PREX2: variants seen among roughly 807,000 people sequenced by gnomAD.
PREX2 encodes the protein phosphatidylinositol-3,4,5-trisphosphate dependent Rac exchange factor 2.
A neutral mutation model predicts 203.2 loss-of-function variants in PREX2; 107 were observed. The observed-to-expected ratio is 0.53, with a 90% CI of 0.45 to 0.62. PREX2 has a LOEUF of 0.62. PREX2 is among the 20% of genes least tolerant of loss of function. The probability of loss-of-function intolerance (pLI) is 0.00; values close to 1 mark genes in which losing one functional copy is unlikely to be tolerated. For missense variants in PREX2, 1,777 were observed against 1,955.9 expected (o/e 0.91, Z 1.72); for synonymous variants, 672 against 663.6 (o/e 1.01, Z -0.19).
chr8:68,211,111 T>C (rs1812733712), intron 37 of PREX2, among the ~76,000 whole-genome samples: 1 of 152,162 alleles, frequency 6.6e-6, no homozygotes, highest in South Asian at 2.1e-4. Flanking sequence ...TGACCTTCCT[T>C]TAGTTCTACA....
In PREX2 at chr8:68,099,855, A is replaced by C. The variant is rs1184597719; in HGVS notation, c.2715+12A>C. 6.4e-7 allele frequency: 1 copy of C among 1,574,428 alleles called. No individual in the cohort carries two copies. The highest frequency in any genetic ancestry group is 1.1e-5 in the South Asian group (1 of 90,286). ...CCAGTTATAAAAAGGTAAGTGTTCT[A>C]TTGATTTTATACACAATTATTGTTG... On this transcript the variant is annotated intron_variant, in intron 23 of 39. Transcript: ENST00000288368.
At chr8:68,227,687 C>T (rs1813080160) in intron 39 of PREX2, among the ~76,000 whole-genome samples, 1 of 152,102 alleles carries the variant, frequency 6.6e-6, no homozygotes, top group African/African-American at 2.4e-5. Flanking sequence ...GGAAGCGGGG[C>T]TACAGAATCT....
intron 1 of PREX2, among the ~76,000 whole-genome samples, chr8:67,953,239 C>G (rs554262382): frequency 7.0e-4 from 99 of 140,964 alleles, no homozygotes; most frequent in Admixed American, 1.6e-3. Flanking sequence ...GTTTACATGG[C>G]CCATGAGAGT....
intron 6 of PREX2, among the ~76,000 whole-genome samples, chr8:68,036,820 G>A (rs10098228): frequency 0.012 from 1,770 of 152,188 alleles, 33 homozygotes; most frequent in African/African-American, 0.039. Context: ...TGGCATGCCT[G>A]TAATCCTAGC....
rs537260720 is a variant in PREX2, at chr8:68,150,991, C to T, written c.4231+4639C>T. On this transcript the variant is annotated intron_variant, in intron 34 of 39. Coordinates refer to ENST00000288368, the MANE Select transcript of PREX2 (RefSeq NM_024870.4). ...CTATCCTCACACGGTCTTCTTCCCT[C>T]TGTGTGTGTCTGTCTCTGTGTTTCT... is the stretch of plus-strand genomic sequence containing the variant. Among the ~76,000 whole-genome samples the T allele has an allele frequency of 3.3e-5, 5 of 152,280 alleles. No homozygotes were observed. In the South Asian group the frequency reaches 8.3e-4, roughly 25 times the overall value.
intron 19 of PREX2, 97 bp downstream of exon 19, chr8:68,087,906 G>C: frequency 1.2e-6 from 1 of 823,170 alleles, no homozygotes; most frequent in Non-Finnish European, 2.2e-6. Context: ...ACCATGCTGT[G>C]ATGATTCTCA....
chr8:68,194,274 C>T (rs1015579399), intron 37 of PREX2, among the ~76,000 whole-genome samples: 21 of 151,842 alleles, frequency 1.4e-4, no homozygotes, highest in African/African-American at 3.9e-4. Context: ...TCATATAGTA[C>T]GTACTGCATT....
At chr8:68,045,529 C>G (rs1203669904) in intron 8 of PREX2, among the ~76,000 whole-genome samples, 1 of 152,008 alleles carries the variant, frequency 6.6e-6, no homozygotes, top group Admixed American at 6.6e-5. Context: ...TTCTCAATAC[C>G]ATTGTTAGCA....
In PREX2 at chr8:68,152,098, G is replaced by A. The variant is rs533166280; in HGVS notation, c.4232-5224G>A. Among the ~76,000 whole-genome samples the A allele has an allele frequency of 2.0e-5, 3 of 151,512 alleles. No individual in the cohort carries two copies. The South Asian group carries it at 6.2e-4, about 32-fold the overall frequency. On this transcript the variant is annotated intron_variant, in intron 34 of 39. Transcript: ENST00000288368. ...AGGTCAGGAAATCGTAGCCATCCTG[G>A]CTAACACGATGAAACCCCGTCTCTA...
chr8:68,058,135 C>T (rs1295412043), intron 10 of PREX2, among the ~76,000 whole-genome samples: 1 of 152,198 alleles, frequency 6.6e-6, no homozygotes, highest in Non-Finnish European at 1.5e-5. Context: ...GGAATTTCCT[C>T]ATTCCCTGAG....
chr8:68,042,776 A>C (rs1006660820), intron 7 of PREX2, among the ~76,000 whole-genome samples: 1 of 152,130 alleles, frequency 6.6e-6, no homozygotes, highest in African/African-American at 2.4e-5. Context: ...ATCAAAATCT[A>C]TCTGAGCTAA....
chr8:67,952,572 C>CGGCGCGG, intron 1 of PREX2, 37 bp downstream of exon 1: 6 of 1,590,754 alleles, frequency 3.8e-6, no homozygotes, highest in Non-Finnish European at 4.3e-6. Flanking sequence ...GACGTCCGGG[C>CGGCGCGG]GGCGCGGGGC....
intron 1 of PREX2, among the ~76,000 whole-genome samples, chr8:68,001,886 A>C (rs2129609755): frequency 6.6e-6 from 1 of 152,310 alleles, no homozygotes; most frequent in African/African-American, 2.4e-5. Flanking sequence ...GTGGGAGCTA[A>C]ATGATGAGAA....
At chr8:68,044,042 C>A (rs1351373780) in intron 7 of PREX2, among the ~76,000 whole-genome samples, 1 of 151,940 alleles carries the variant, frequency 6.6e-6, no homozygotes, top group Non-Finnish European at 1.5e-5. Context: ...AGCTTAAGAA[C>A]CTCCAGCATA....
At chr8:68,196,197 T>G (rs1160763330) in intron 37 of PREX2, among the ~76,000 whole-genome samples, 2 of 151,942 alleles carry the variant, frequency 1.3e-5, no homozygotes, top group African/African-American at 4.8e-5. Context: ...TATTAAATAG[T>G]GGCAGAGGAG....
At chr8:68,203,015 C>T (rs377707482) in intron 37 of PREX2, among the ~76,000 whole-genome samples, 83 of 152,216 alleles carry the variant, frequency 5.5e-4, no homozygotes, top group African/African-American at 1.9e-3. Context: ...ACAGTGCCCA[C>T]TCACATTGAG....
At chr8:68,138,860 A>G (rs941172837) in intron 33 of PREX2, among the ~76,000 whole-genome samples, 2 of 152,058 alleles carry the variant, frequency 1.3e-5, no homozygotes, top group African/African-American at 4.8e-5. Flanking sequence ...TGTTTTTTCA[A>G]AAGTATGAGT....
At position 67,962,092 on chromosome 8, in the gene PREX2, T is replaced by A. The variant is rs545387800; in HGVS notation, c.141+9557T>A. ...TGAAAACTTTGTTTCTCGGAAAGAG[T>A]CAAATATGGATTGATATCTATGTTT... On this transcript the variant is annotated intron_variant, in intron 1 of 39. Transcript: ENST00000288368. Among the ~76,000 whole-genome samples, 7 of 152,118 alleles carry A rather than the reference T, an allele frequency of 4.6e-5. No individual in the cohort carries two copies. In the South Asian group the frequency reaches 1.5e-3, roughly 32 times the overall value.
intron 1 of PREX2, among the ~76,000 whole-genome samples, chr8:67,975,706 T>C (rs1265624517): frequency 8.6e-6 from 1 of 116,894 alleles, no homozygotes; most frequent in Non-Finnish European, 1.8e-5. Flanking sequence ...TTTTTTTTTT[T>C]TTTTTTTTTT....
Sources: allele counts gnomAD v4.1 joint callset (sites outside exome capture counted in the v4.1 genomes callset), GRCh38; gene constraint gnomAD v4.1.1; transcripts MANE v1.5; gene names NCBI Gene and HGNC (gene_info 2026-07-23, HGNC 2026-07-21).